ZNF473: variants seen among roughly 807,000 people sequenced by gnomAD.
The protein encoded by ZNF473 is zinc finger protein 100 homolog.
A neutral mutation model predicts 11.1 loss-of-function variants in ZNF473; 4 were observed. The ratio of observed to expected loss-of-function variants is 0.36; its 90% CI spans 0.18 to 0.82. ZNF473 has a LOEUF of 0.82. Ranked by LOEUF, ZNF473 falls within the 40% of genes least tolerant of loss-of-function variation. The pLI is 0.49. For synonymous variants in ZNF473, 404 were observed against 390.4 expected (o/e 1.03, Z -0.41); for missense variants, 854 against 1,084.0 (o/e 0.79, Z 2.98).
At chr19:50,041,580 C>G (rs1568408791) in intron 3 of ZNF473, 150 bp from the exon 4 acceptor site, 1 of 554,046 alleles carries the variant, frequency 1.8e-6, no homozygotes, top group East Asian at 3.4e-5. Flanking sequence ...CAGGCATCCC[C>G]AGAGTCGCCC....
chr19:50,041,811 C>T lies in ZNF473; in HGVS notation c.218C>T (p.Thr73Ile), dbSNP rs944080625. The T allele has an allele frequency of 3.7e-6, 6 of 1,612,306 alleles. No individual in the cohort carries two copies. The African/African-American group carries it at 6.7e-5, about 18-fold the overall frequency. ...CTGGCAGGAGGAAGCCCAGAAGCAA[C>T]AAGCCCTGGTGAGTGGATGGAGAGG... ...EPLAGGSPEA[T>I]SPDVTETKNS... Residue 73 changes from threonine (T) to isoleucine (I), a missense_variant, in exon 4 of 5, where the codon ACA becomes ATA. Thr to Ile is a moderately conservative substitution (Grantham distance 89). Around this residue, in one of 2 missense-constraint regions of ZNF473, gnomAD observed 668 missense variants for 790.2 expected, o/e 0.85. Transcript: ENST00000270617.
chr19:50,046,442 A>G lies in ZNF473; in HGVS notation c.1999A>G (p.Ile667Val). 6.2e-7 allele frequency: 1 copy of G among 1,614,252 alleles called. No individual in the cohort carries two copies. Among genetic ancestry groups the G allele is most frequent in the Non-Finnish European group, 8.5e-7 (1 of 1,180,058 alleles). The change falls in exon 5 of 5, where the codon ATT becomes GTT. Residue 667 changes from isoleucine (I) to valine (V), a missense_variant. Ile to Val is a conservative substitution (Grantham distance 29). Coordinates refer to ENST00000270617, the MANE Select transcript of ZNF473 (RefSeq NM_015428.4). This position sits in a 1 kb window ranked among gnomAD's most constrained non-coding sequence, Gnocchi z 5.9. ...TGCACACCTCTCAAAACATCAGTTA[A>G]TTCACGCTGGAGAGAATCCCTTTAA... is the stretch of plus-strand genomic sequence containing the variant. ...HSAHLSKHQL[I>V]HAGENPFKCS... is the part of the protein sequence containing the mutation.
At chr19:50,044,452 G>GT (rs1978949711) in intron 4 of ZNF473, among the ~76,000 whole-genome samples, 1 of 152,134 alleles carries the variant, frequency 6.6e-6, no homozygotes, top group Non-Finnish European at 1.5e-5. Context: ...GAAGGTAATG[G>GT]TAGAATCTCC....
chr19:50,037,485 T>C (rs1978514025), intron 2 of ZNF473, among the ~76,000 whole-genome samples: 2 of 152,170 alleles, frequency 1.3e-5, no homozygotes, highest in South Asian at 4.2e-4. Context: ...CTTTCACGTT[T>C]TAATGTTGGT....
chr19:50,035,190 G>A (rs987086304), intron 2 of ZNF473, among the ~76,000 whole-genome samples: 1 of 152,056 alleles, frequency 6.6e-6, no homozygotes, highest in African/African-American at 2.4e-5. Flanking sequence ...TACTCAGGAG[G>A]CTGAGGTGAG....
Position 50,045,469 on chromosome 19 carries a change from C to T in ZNF473, c.1026C>T (p.His342=). Residue 342 remains histidine (H), a synonymous_variant, in exon 5 of 5, where the codon CAC becomes CAT. Coordinates refer to ENST00000270617, the MANE Select transcript of ZNF473 (RefSeq NM_015428.4). The stretch of plus-strand genomic sequence containing the variant: ...ACCTTACTCGGCACCAGAAGATCCA[C>T]ACTCGGAAACGCTATGAGTGTTCCA... ...IFHLTRHQKI[H]TRKRYECSKC... The T allele has an allele frequency of 6.2e-7, 1 of 1,614,152 alleles. No homozygotes were observed. The highest frequency in any genetic ancestry group is 8.5e-7 in the Non-Finnish European group (1 of 1,179,988).
chr19:50,036,341 T>G (rs1600754920), intron 2 of ZNF473, among the ~76,000 whole-genome samples: 1 of 114,366 alleles, frequency 8.7e-6, no homozygotes, highest in Admixed American at 9.8e-5. Flanking sequence ...TGAGATGGAG[T>G]CTCACTCTGT....
intron 1 of ZNF473, among the ~76,000 whole-genome samples, chr19:50,029,191 T>C (rs2122797073): frequency 6.6e-6 from 1 of 152,380 alleles, no homozygotes; most frequent in South Asian, 2.1e-4. Flanking sequence ...TCGCCCAGGC[T>C]GGAGTGCATG....
At chr19:50,038,139 C>G (rs1210748665) in intron 2 of ZNF473, among the ~76,000 whole-genome samples, 1 of 146,118 alleles carries the variant, frequency 6.8e-6, no homozygotes, top group African/African-American at 2.6e-5. Flanking sequence ...TCCTGAGTAG[C>G]TGGGACTACA....
intron 1 of ZNF473, among the ~76,000 whole-genome samples, chr19:50,027,404 T>G (rs2077291688): frequency 1.3e-5 from 2 of 152,084 alleles, no homozygotes; most frequent in South Asian, 4.1e-4. Flanking sequence ...TTAGAGAAGG[T>G]AAATGGTCTG....
In ZNF473 at chr19:50,046,420, A is replaced by G. The variant is rs1169136121; in HGVS notation, c.1977A>G (p.Ala659=). Residue 659 remains alanine, a synonymous_variant, in exon 5 of 5, where the codon GCA becomes GCG. Coordinates refer to ENST00000270617, the MANE Select transcript of ZNF473 (RefSeq NM_015428.4). The surrounding 1 kb of genome is among the most constrained non-coding windows in gnomAD (Gnocchi z 5.9). Reference sequence around the variant, plus strand: ...GCGGAAAGACCTTCAGCCACAGTGCACACCTCTCAAAACATCAGTTAATTC... The same window carrying G: ...GCGGAAAGACCTTCAGCCACAGTGCGCACCTCTCAAAACATCAGTTAATTC... The part of the protein sequence containing the change: ...NECGKTFSHS[A]HLSKHQLIHA... 6.2e-7 allele frequency: 1 copy of G among 1,614,216 alleles called. No homozygotes were observed. Among genetic ancestry groups the G allele is most frequent in the Non-Finnish European group, 8.5e-7 (1 of 1,180,034 alleles).
chr19:50,039,050 A>G lies in ZNF473; in HGVS notation c.10-111A>G. On this transcript the variant is annotated intron_variant, in intron 2 of 4. Transcript: ENST00000270617. This position sits in a 1 kb window ranked among gnomAD's most constrained non-coding sequence, Gnocchi z 4.8. Reference sequence around the variant, plus strand: ...AGATTCTTGTGAGGCTGAGGATGGGATGGTTTTTGCCAAAGCCCTGGCAGA... The same window carrying G: ...AGATTCTTGTGAGGCTGAGGATGGGGTGGTTTTTGCCAAAGCCCTGGCAGA... The G allele has an allele frequency of 7.3e-7, 1 of 1,376,242 alleles. No homozygotes were observed. The highest frequency in any genetic ancestry group is 1.3e-5 in the South Asian group (1 of 77,948). 85.3% of individuals were successfully genotyped at this position (1,376,242 alleles called of 1,614,324 possible). A position where few individuals can be genotyped will look rare whatever the true frequency, so the allele number is the denominator to read the frequency against.
chr19:50,041,386 C>T, intron 3 of ZNF473: 1 of 172,088 alleles, frequency 5.8e-6, no homozygotes, highest in Non-Finnish European at 1.2e-5. Context: ...ATGTGTGGCC[C>T]ATGGGTCAGT....
Position 50,030,288 on chromosome 19 carries a change from A to G in ZNF473, c.-191-604A>G, listed in dbSNP as rs367754598. Among the ~76,000 whole-genome samples, 19 of 152,300 alleles carry G rather than the reference A, an allele frequency of 1.2e-4. No individual in the cohort carries two copies. The East Asian group carries it at 2.7e-3, about 22-fold the overall frequency. On this transcript the variant is annotated intron_variant, in intron 1 of 4. Transcript: ENST00000270617. The stretch of plus-strand genomic sequence containing the variant: ...TTTGGGTGGCCCACGAGGGCGGCTT[A>G]CTTGAGGTCAGGAGTTTGAGAACAA...
chr19:50,029,911 G>A (rs535646141), intron 1 of ZNF473, among the ~76,000 whole-genome samples: 1 of 152,018 alleles, frequency 6.6e-6, no homozygotes, highest in South Asian at 2.1e-4. Flanking sequence ...GAGTGCGGTG[G>A]CACCATCTCG....
rs916987800 is a variant in ZNF473, at chr19:50,046,029, C to T, written c.1586C>T (p.Thr529Ile). 2 of 1,614,094 alleles carry T rather than the reference C, an allele frequency of 1.2e-6. No individual in the cohort carries two copies. The highest frequency in any genetic ancestry group is 2.7e-5 in the African/African-American group (2 of 74,922). The stretch of plus-strand genomic sequence containing the variant: ...GGAGAACGCTTCATTTGCGGCTCAA[C>T]CCTGAAGTGCCACGAGAGTGTTCAC... The part of the protein sequence containing the change: ...ECGERFICGS[T>I]LKCHESVHAR... Residue 529 changes from threonine to isoleucine, a missense_variant, in exon 5 of 5, where the codon ACC becomes ATC. Coordinates refer to ENST00000270617, the MANE Select transcript of ZNF473 (RefSeq NM_015428.4). The surrounding 1 kb of genome is among the most constrained non-coding windows in gnomAD (Gnocchi z 5.9).
intron 3 of ZNF473, chr19:50,041,172 T>C (rs1978748479): frequency 6.6e-6 from 1 of 152,324 alleles, no homozygotes; most frequent in South Asian, 2.1e-4. Flanking sequence ...CGTTGCCAGC[T>C]TCTGGAGGTC....
chr19:50,038,988 C>T (rs1978622274), intron 2 of ZNF473, among the ~76,000 whole-genome samples, 173 bp from the exon 3 acceptor site: 1 of 152,136 alleles, frequency 6.6e-6, no homozygotes, highest in Non-Finnish European at 1.5e-5. Context: ...TTTTCTTTGC[C>T]TACAAAATAC....
At chr19:50,030,130 C>A (rs1286724637) in intron 1 of ZNF473, among the ~76,000 whole-genome samples, 1 of 152,128 alleles carries the variant, frequency 6.6e-6, no homozygotes, top group East Asian at 1.9e-4. Flanking sequence ...AGATTACAGG[C>A]GTGAGCTACT....
Sources: gnomAD v4.1 joint callset for allele counts (sites outside exome capture counted in the v4.1 genomes callset) on GRCh38, gnomAD v4.1.1 for gene constraint, gnomAD v4.1.1 regional missense constraint, Gnocchi (gnomAD v3.1) non-coding constraint, MANE v1.5 for transcripts, NCBI Gene and HGNC (gene_info 2026-07-23, HGNC 2026-07-21) for gene names.